Variants in NEGR1 observed in about 807,000 individuals in gnomAD.
NEGR1 encodes neuronal growth regulator 1.
A neutral mutation model predicts 40.9 loss-of-function variants in NEGR1; 10 were observed. The observed-to-expected ratio is 0.24, with a 90% CI of 0.15 to 0.42. NEGR1 has a LOEUF of 0.42. Among genes scored for constraint, NEGR1 ranks in the 10% least tolerant of loss-of-function variants. NEGR1 has a pLI of 1.00. For missense variants in NEGR1, 352 were observed against 438.9 expected, an observed-to-expected ratio of 0.80 and a Z score of 1.77; for synonymous variants, 185 against 166.8, an observed-to-expected ratio of 1.11 and a Z score of -0.84.
At chr1:72,253,764 G>C (rs1655177417) in intron 1 of NEGR1, among the ~76,000 whole-genome samples, 1 of 152,090 alleles carries the variant, frequency 6.6e-6, no homozygotes, top group South Asian at 2.1e-4. Flanking sequence ...AATATTATTT[G>C]AATTACAAGA....
At position 72,212,621 on chromosome 1, in the gene NEGR1, C is replaced by G. The variant is rs189161152; in HGVS notation, c.176+69698G>C. Among the ~76,000 whole-genome samples, 7 of 152,066 alleles carry G rather than the reference C, an allele frequency of 4.6e-5. No individual in the cohort carries two copies. The East Asian group carries it at 1.4e-3, about 29-fold the overall frequency. ...TTTAATTGTTCATAAACTATTCTGT[C>G]TAACCATGTGGTAAAAAGCAATAAA... On this transcript the variant is annotated intron_variant, in intron 1 of 6. Coordinates refer to ENST00000357731, the MANE Select transcript of NEGR1 (RefSeq NM_173808.3).
intron 6 of NEGR1, among the ~76,000 whole-genome samples, chr1:71,588,670 C>A (rs1649393323): frequency 6.6e-6 from 1 of 152,098 alleles, no homozygotes; most frequent in African/African-American, 2.4e-5. Flanking sequence ...TGCCTAAAGC[C>A]TACAGGCCAT....
chr1:71,556,293 A>T (rs1570026166), intron 6 of NEGR1, among the ~76,000 whole-genome samples: 1 of 151,568 alleles, frequency 6.6e-6, no homozygotes, highest in East Asian at 2.0e-4. Context: ...TTTCTGCCTT[A>T]CATGTCTAAA....
chr1:71,923,354 T>TAC (rs55873773), intron 2 of NEGR1, among the ~76,000 whole-genome samples: 1 of 147,902 alleles, frequency 6.8e-6, no homozygotes, highest in Non-Finnish European at 1.5e-5. Flanking sequence ...TGGACAGCGA[T>TAC]ACACACACAC....
intron 3 of NEGR1, among the ~76,000 whole-genome samples, chr1:71,714,120 C>T (rs1245963001): frequency 6.6e-6 from 1 of 152,086 alleles, no homozygotes; most frequent in Non-Finnish European, 1.5e-5. Context: ...GACTTACAAT[C>T]ATTGCAGAAG....
intron 1 of NEGR1, among the ~76,000 whole-genome samples, chr1:72,138,001 C>T (rs967369603): frequency 1.3e-5 from 2 of 151,672 alleles, no homozygotes; most frequent in African/African-American, 4.8e-5. Context: ...TCTTCAGACA[C>T]AGAAAGGCTG....
rs529830300 is a variant in NEGR1 at position 71,426,967 on chromosome 1, G to A, written c.941-19397C>T. On this transcript the variant is annotated intron_variant, in intron 6 of 6. Transcript: ENST00000357731. ...CAGTAAGGGAGCAGGAAGCTCACAC[G>A]GCAGCCATGTTGAAGTTCCTCTTCA... Among the ~76,000 whole-genome samples the A allele has an allele frequency of 1.1e-3, 173 of 152,270 alleles. 2 individuals are homozygous for A. Among genetic ancestry groups the A allele is most frequent in the South Asian group, 6.2e-4 (3 of 4,826 alleles).
chr1:72,263,624 A>T (rs1422236685), intron 1 of NEGR1, among the ~76,000 whole-genome samples: 1 of 151,612 alleles, frequency 6.6e-6, no homozygotes, highest in East Asian at 1.9e-4. Context: ...GTTGTGATGA[A>T]TGTAGTCAGT....
At chr1:71,442,523 A>G (rs7519190) in intron 6 of NEGR1, among the ~76,000 whole-genome samples, 4 of 152,136 alleles carry the variant, frequency 2.6e-5, no homozygotes. Flanking sequence ...CTGAGGCAGG[A>G]GAATCACCTG....
At chr1:72,026,869 A>T (rs1646814954) in intron 1 of NEGR1, among the ~76,000 whole-genome samples, 1 of 151,940 alleles carries the variant, frequency 6.6e-6, no homozygotes, top group African/African-American at 2.4e-5. Context: ...CTAGCCTCTC[A>T]AATGTCCTCA....
At chr1:71,655,553 ATT>A (rs1651849231) in intron 4 of NEGR1, among the ~76,000 whole-genome samples, 1 of 152,200 alleles carries the variant, frequency 6.6e-6, no homozygotes, top group Non-Finnish European at 1.5e-5. Context: ...CAGAATAAAA[ATT>A]TTGCAGGAGG....
chr1:72,131,794 G>T (rs1650261592), intron 1 of NEGR1, among the ~76,000 whole-genome samples: 1 of 152,140 alleles, frequency 6.6e-6, no homozygotes, highest in South Asian at 2.1e-4. Context: ...TTATCCTTAA[G>T]GGTATTTTAC....
At chr1:71,515,732 T>C (rs1447715210) in intron 6 of NEGR1, among the ~76,000 whole-genome samples, 1 of 138,208 alleles carries the variant, frequency 7.2e-6, no homozygotes, top group Non-Finnish European at 1.5e-5. Context: ...CAATATTAAC[T>C]TTAAATGTAA....
chr1:72,020,304 C>A (rs903171744), intron 1 of NEGR1, among the ~76,000 whole-genome samples: 4 of 152,070 alleles, frequency 2.6e-5, no homozygotes, highest in African/African-American at 9.7e-5. Context: ...AATCCTCAAG[C>A]CAATCTTGAA....
chr1:71,667,396 T>C (rs1325629938), intron 4 of NEGR1, among the ~76,000 whole-genome samples: 2 of 152,146 alleles, frequency 1.3e-5, no homozygotes, highest in Non-Finnish European at 2.9e-5. Context: ...GAAGCGAGAC[T>C]GTGAATGATA....
chr1:72,033,612 A>C (rs17092178), intron 1 of NEGR1, among the ~76,000 whole-genome samples: 25,808 of 152,160 alleles, frequency 0.17, 2,860 homozygotes, highest in East Asian at 0.44. Context: ...AGACTGTTTA[A>C]TTTTAAGCAC....
At chr1:71,833,406 A>C (rs1449608702) in intron 2 of NEGR1, among the ~76,000 whole-genome samples, 1 of 152,068 alleles carries the variant, frequency 6.6e-6, no homozygotes, top group Non-Finnish European at 1.5e-5. Context: ...TAGAAAGGAA[A>C]AATTATATAC....
At chr1:71,551,141 G>A (rs757174167) in intron 6 of NEGR1, among the ~76,000 whole-genome samples, 10 of 151,546 alleles carry the variant, frequency 6.6e-5, no homozygotes, top group Non-Finnish European at 1.5e-4. Flanking sequence ...ACACAAAAAT[G>A]CAAGCATGAT....
intron 1 of NEGR1, among the ~76,000 whole-genome samples, chr1:72,140,224 T>TTTGTTGTTGTTGTTGTTG (rs59526560): frequency 6.4e-4 from 96 of 150,720 alleles, no homozygotes; most frequent in African/African-American, 2.3e-3. Flanking sequence ...GATAACTGTT[T>TTTGTTGTTGTTGTTGTTG]TTGTTGTTGT....
Sources: gnomAD v4.1 joint callset for allele counts (sites outside exome capture counted in the v4.1 genomes callset) on GRCh38, gnomAD v4.1.1 for gene constraint, MANE v1.5 for transcripts, NCBI Gene and HGNC (gene_info 2026-07-23, HGNC 2026-07-21) for gene names.